TMEM87B: variants seen among roughly 807,000 people sequenced by gnomAD.
TMEM87B encodes transmembrane protein 87B.
TMEM87B carries 83 observed loss-of-function variants against 80.3 expected under a neutral mutation model. The observed-to-expected ratio is 1.03, with a 90% CI of 0.87 to 1.24. TMEM87B has a LOEUF of 1.24. TMEM87B is among the 50% of genes most tolerant of loss of function. TMEM87B has a pLI of 0.00. For missense variants in TMEM87B, 625 were observed against 674.4 expected, an observed-to-expected ratio of 0.93 and a Z score of 0.81; for synonymous variants, 219 against 230.5, an observed-to-expected ratio of 0.95 and a Z score of 0.45.
At chr2:112,080,634 CCTT>C (rs1225730799) in intron 6 of TMEM87B, among the ~76,000 whole-genome samples, 2 of 152,146 alleles carry the variant, frequency 1.3e-5, no homozygotes, top group African/African-American at 4.8e-5. Flanking sequence ...GATATTAACT[CCTT>C]CTTGGATATA....
chr2:112,075,719 G>A (rs751523241), intron 5 of TMEM87B, among the ~76,000 whole-genome samples: 33 of 152,178 alleles, frequency 2.2e-4, no homozygotes, highest in East Asian at 3.9e-4. Context: ...AACAGGTTTG[G>A]GAGAGCTTAA....
chr2:112,105,451 C>G (rs994984347), intron 15 of TMEM87B, among the ~76,000 whole-genome samples: 2 of 152,204 alleles, frequency 1.3e-5, no homozygotes, highest in East Asian at 3.8e-4. Context: ...GTCAGAAACA[C>G]TAAGTCACAG....
intron 11 of TMEM87B, among the ~76,000 whole-genome samples, chr2:112,095,829 A>G (rs1679451969): frequency 7.9e-5 from 12 of 152,220 alleles, no homozygotes; most frequent in Admixed American, 7.8e-4. Flanking sequence ...GTTCATAAAC[A>G]AAGCTTGTTG....
In TMEM87B at chr2:112,100,694, A is replaced by G. The variant is rs1239138941; in HGVS notation, c.1449A>G (p.Leu483=). The G allele has an allele frequency of 6.3e-7, 1 of 1,584,812 alleles. No homozygotes were observed. Among genetic ancestry groups the G allele is most frequent in the African/African-American group, 1.3e-5 (1 of 74,430 alleles). ...IEEFMVTSEN[L]TEGIKLRASK... ...AATTCATGGTAACTTCTGAAAATTT[A>G]AGTGAGTAATATGTTTTCTTTTTAA... is the stretch of plus-strand genomic sequence containing the variant. The change falls in exon 15 of 19, where the codon TTA becomes TTG. Residue 483 remains leucine, a splice_region_variant and synonymous_variant. Transcript: ENST00000283206.
At chr2:112,080,954 T>G in intron 6 of TMEM87B, 103 bp from the exon 7 acceptor site, 4 of 951,040 alleles carry the variant, frequency 4.2e-6, no homozygotes, top group Non-Finnish European at 6.6e-6. Context: ...AAATTCAGCA[T>G]TTGTTAGTGT....
intron 11 of TMEM87B, among the ~76,000 whole-genome samples, chr2:112,092,739 A>G (rs573385511): frequency 6.6e-6 from 1 of 152,252 alleles, no homozygotes; most frequent in South Asian, 2.1e-4. Flanking sequence ...GGCAGTAAGT[A>G]CTGGATCCTC....
At chr2:112,106,588 G>A (rs1187576792) in intron 16 of TMEM87B, among the ~76,000 whole-genome samples, 1 of 150,144 alleles carries the variant, frequency 6.7e-6, no homozygotes, top group African/African-American at 2.5e-5. Flanking sequence ...TTTTTGAGGT[G>A]GGAAGCTTGA....
chr2:112,059,051 C>T (rs1678166251), intron 1 of TMEM87B, among the ~76,000 whole-genome samples: 1 of 152,176 alleles, frequency 6.6e-6, no homozygotes, highest in Non-Finnish European at 1.5e-5. Context: ...GTATTTGGAT[C>T]TGGAGCTCAA....
chr2:112,056,322 A>G (rs1354762438), intron 1 of TMEM87B, among the ~76,000 whole-genome samples: 2 of 152,016 alleles, frequency 1.3e-5, no homozygotes, highest in Non-Finnish European at 2.9e-5. Context: ...GAATTTCTCT[A>G]CAGTTCCTGT....
Position 112,101,442 on chromosome 2 carries a change from T to G in TMEM87B, c.1450+747T>G, listed in dbSNP as rs181386455. 1.7e-3 allele frequency among the ~76,000 whole-genome samples: 254 copies of G among 152,300 alleles called. 2 individuals are homozygous for G. In the Middle Eastern group the frequency reaches 0.024, roughly 14 times the overall value. On this transcript the variant is annotated intron_variant, in intron 15 of 18. Transcript: ENST00000283206. ...ATAAAGAAAAAACTACAGTGGACCC[T>G]TGAACAATGTAGGGTTAGGGGCACC...
At chr2:112,092,915 A>G (rs576003939) in intron 11 of TMEM87B, among the ~76,000 whole-genome samples, 3 of 152,282 alleles carry the variant, frequency 2.0e-5, no homozygotes, top group South Asian at 2.1e-4. Flanking sequence ...ATCTGTTTCT[A>G]TTATATTTAT....
chr2:112,058,365 T>G (rs578120249), intron 1 of TMEM87B, among the ~76,000 whole-genome samples: 2 of 152,308 alleles, frequency 1.3e-5, no homozygotes, highest in East Asian at 1.9e-4. Context: ...CACAGTGAGC[T>G]AAGTTCAGGA....
chr2:112,105,864 C>T lies in TMEM87B; in HGVS notation c.1451-138C>T, dbSNP rs1573726430. ...TTCCTACATTCCCAAATGGTAAATC[C>T]AGCATCCTGCCTAAAGTTTCCATTA... On this transcript the variant is annotated intron_variant, in intron 15 of 18. Transcript: ENST00000283206. 16 of 543,512 alleles carry T rather than the reference C, an allele frequency of 2.9e-5. No individual in the cohort carries two copies. The East Asian group carries it at 5.5e-4, about 19-fold the overall frequency. 33.7% of individuals were successfully genotyped at this position (543,512 alleles called of 1,614,324 possible).
Position 112,055,304 on chromosome 2 carries a change from C to T in TMEM87B, c.-288C>T. Reference sequence around the variant, plus strand: ...CCACGCTAGGCCCTGAGCCCAGCCTCCACGTCTCGCCGCCAACTCCACATC... The same window carrying T: ...CCACGCTAGGCCCTGAGCCCAGCCTTCACGTCTCGCCGCCAACTCCACATC... On this transcript the variant is annotated 5_prime_UTR_variant, in exon 1 of 19. Transcript: ENST00000283206. 2.1e-6 allele frequency: 1 copy of T among 467,138 alleles called. No homozygotes were observed. The highest frequency in any genetic ancestry group is 3.2e-5 in the South Asian group (1 of 31,514). 28.9% of individuals were successfully genotyped at this position (467,138 alleles called of 1,614,324 possible).
intron 4 of TMEM87B, among the ~76,000 whole-genome samples, chr2:112,068,532 G>A (rs567541564): frequency 2.6e-5 from 4 of 151,910 alleles, no homozygotes; most frequent in Non-Finnish European, 4.4e-5. Flanking sequence ...GTGAAACCTC[G>A]TCTCTACTAA....
intron 3 of TMEM87B, among the ~76,000 whole-genome samples, chr2:112,066,437 T>C (rs983578010): frequency 6.6e-6 from 1 of 152,186 alleles, no homozygotes; most frequent in Non-Finnish European, 1.5e-5. Context: ...GGAGCTGCCA[T>C]TAAGGAGCCT....
At chr2:112,087,918 G>T (rs1369665015) in intron 9 of TMEM87B, among the ~76,000 whole-genome samples, 1 of 152,184 alleles carries the variant, frequency 6.6e-6, no homozygotes, top group South Asian at 2.1e-4. Context: ...TTTAAGGAGT[G>T]CCAGCTTTGC....
In TMEM87B at chr2:112,089,625, G is replaced by T. The variant is rs1381537461; in HGVS notation, c.939G>T (p.Lys313Asn). The change falls in exon 10 of 19, where the codon AAG becomes AAT. Residue 313 changes from lysine (K) to asparagine (N), a missense_variant and splice_region_variant. Lys to Asn is a moderately conservative substitution (Grantham distance 94). Coordinates refer to ENST00000283206, the MANE Select transcript of TMEM87B (RefSeq NM_032824.3). ...CTCTGTTTCCTCTTCCTGATTCCAG[G>T]CCTCGTTTAGGAACAGTCATGCACC... The part of the protein sequence containing the change: ...IIVSLGYGIV[K>N]PRLGTVMHRV... 1 of 1,613,922 alleles carries T rather than the reference G, an allele frequency of 6.2e-7. No individual in the cohort carries two copies. Among genetic ancestry groups the T allele is most frequent in the Admixed American group, 1.7e-5 (1 of 60,010 alleles).
At chr2:112,093,664 C>G (rs1679372158) in intron 11 of TMEM87B, among the ~76,000 whole-genome samples, 1 of 152,142 alleles carries the variant, frequency 6.6e-6, no homozygotes, top group South Asian at 2.1e-4. Flanking sequence ...ATATAAATAT[C>G]TTCCTCTGGT....
Sources: allele counts gnomAD v4.1 joint callset (sites outside exome capture counted in the v4.1 genomes callset), GRCh38; gene constraint gnomAD v4.1.1; transcripts MANE v1.5; gene names NCBI Gene and HGNC (gene_info 2026-07-23, HGNC 2026-07-21).